The following EYS variants were observed in gnomAD, a reference collection of about 807,000 sequenced individuals.
EYS encodes EGF-like photoreceptor maintenance factor, also known as protein eyes shut homolog.
In EYS, 250 loss-of-function variants were observed where a neutral mutation model predicts 282.1. The observed-to-expected ratio is 0.89, with a 90% CI of 0.80 to 0.98. The LOEUF is 0.98. Among genes scored for constraint, EYS ranks in the 50% least tolerant of loss-of-function variants. EYS has a pLI of 0.00. For synonymous variants in EYS, 1,355 were observed against 1,282.9 expected (o/e 1.06, Z -1.20); for missense variants, 4,016 against 3,709.0 (o/e 1.08, Z -2.15).
intron 11 of EYS, among the ~76,000 whole-genome samples, chr6:65,334,266 G>T (rs1769899068): frequency 6.6e-6 from 1 of 150,880 alleles, no homozygotes; most frequent in Admixed American, 6.6e-5. Context: ...TTATTTTATT[G>T]TATTTATTTT....
chr6:64,107,242 G>GAT (rs1773046287), intron 31 of EYS, among the ~76,000 whole-genome samples: 1 of 115,230 alleles, frequency 8.7e-6, no homozygotes, highest in Non-Finnish European at 1.7e-5. Flanking sequence ...GAACTAGTAG[G>GAT]AGATATATAT....
intron 12 of EYS, among the ~76,000 whole-genome samples, chr6:65,257,882 T>G (rs1767512679): frequency 6.6e-6 from 1 of 151,944 alleles, no homozygotes; most frequent in Non-Finnish European, 1.5e-5. Flanking sequence ...TAAAGATGGT[T>G]AATGAGTTCA....
rs181124531 is a variant in EYS at position 64,309,393 on chromosome 6, G to T, written c.6079-2311C>A. On this transcript the variant is annotated intron_variant, in intron 29 of 42. Coordinates refer to ENST00000503581, the MANE Select transcript of EYS (RefSeq NM_001142800.2). ...TATTAATTTATTCACCTTGGGCTTT[G>T]AAAAATGGCAAGAAAAAATTTCCCA... Among the ~76,000 whole-genome samples the T allele has an allele frequency of 2.3e-3, 345 of 152,144 alleles. 2 individuals carry two copies. The highest frequency in any genetic ancestry group is 8.0e-3 in the African/African-American group (332 of 41,516).
At chr6:63,869,445 T>C (rs1247786625) in intron 35 of EYS, among the ~76,000 whole-genome samples, 1 of 152,108 alleles carries the variant, frequency 6.6e-6, no homozygotes, top group Admixed American at 6.6e-5. Context: ...TGACCAAAAT[T>C]TCTTCCCCAG....
chr6:64,896,250 T>A (rs1767460643), intron 18 of EYS, among the ~76,000 whole-genome samples: 1 of 152,030 alleles, frequency 6.6e-6, no homozygotes, highest in South Asian at 2.1e-4. Flanking sequence ...ATCTCCCTGG[T>A]ACTGGTTAGA....
At chr6:64,196,886 A>T (rs1409924777) in intron 31 of EYS, among the ~76,000 whole-genome samples, 1 of 151,860 alleles carries the variant, frequency 6.6e-6, no homozygotes, top group African/African-American at 2.4e-5. Context: ...CTAAAACTTA[A>T]AGTATAATAA....
chr6:65,220,583 A>G (rs979241706), intron 12 of EYS, among the ~76,000 whole-genome samples: 1 of 152,152 alleles, frequency 6.6e-6, no homozygotes, highest in Non-Finnish European at 1.5e-5. Flanking sequence ...TTTCTTTATA[A>G]ATTACTCAGT....
intron 5 of EYS, among the ~76,000 whole-genome samples, chr6:65,408,530 T>A (rs9354237): frequency 0.2 from 31,114 of 152,020 alleles, 3,979 homozygotes; most frequent in Non-Finnish European, 0.27. Flanking sequence ...TCATAATATC[T>A]CCTTATAATC....
At chr6:65,393,223 G>A (rs905101676) in intron 7 of EYS, among the ~76,000 whole-genome samples, 24 of 152,236 alleles carry the variant, frequency 1.6e-4, no homozygotes, top group African/African-American at 5.8e-4. Context: ...CCTAATGCTA[G>A]ATGATGAGTT....
intron 30 of EYS, among the ~76,000 whole-genome samples, chr6:64,251,592 T>C (rs951866317): frequency 6.6e-6 from 1 of 152,198 alleles, no homozygotes; most frequent in Non-Finnish European, 1.5e-5. Flanking sequence ...CAAGCAGCTA[T>C]GTGGTTCTCC....
At chr6:64,529,631 C>T (rs1330445696) in intron 26 of EYS, among the ~76,000 whole-genome samples, 2 of 151,858 alleles carry the variant, frequency 1.3e-5, no homozygotes, top group Non-Finnish European at 2.9e-5. Context: ...AATTATAGTA[C>T]ATATTTTATG....
At chr6:65,617,863 C>T (rs1267043676) in intron 2 of EYS, among the ~76,000 whole-genome samples, 3 of 152,030 alleles carry the variant, frequency 2.0e-5, no homozygotes, top group African/African-American at 7.2e-5. Context: ...TCATCCATGT[C>T]CCTACAAAGG....
At chr6:64,360,870 G>A (rs1017088025) in intron 29 of EYS, among the ~76,000 whole-genome samples, 1 of 151,666 alleles carries the variant, frequency 6.6e-6, no homozygotes, top group Non-Finnish European at 1.5e-5. Flanking sequence ...TAACTTTTCA[G>A]TGCAATATGT....
intron 32 of EYS, among the ~76,000 whole-genome samples, chr6:64,077,034 T>C (rs552453903): frequency 4.4e-4 from 67 of 152,084 alleles, no homozygotes; most frequent in Non-Finnish European, 8.5e-4. Flanking sequence ...GTTGAATTTG[T>C]CTTTGCTGTC....
intron 5 of EYS, among the ~76,000 whole-genome samples, chr6:65,407,002 GC>G (rs1766773490): frequency 6.6e-6 from 1 of 151,956 alleles, no homozygotes; most frequent in African/African-American, 2.4e-5. Flanking sequence ...CTACACAGAA[GC>G]CTGCTGGAAT....
intron 2 of EYS, among the ~76,000 whole-genome samples, chr6:65,636,281 C>A (rs1767085946): frequency 6.6e-6 from 1 of 152,116 alleles, no homozygotes; most frequent in Non-Finnish European, 1.5e-5. Flanking sequence ...GCAGTCAGTC[C>A]CACTTCCTCC....
chr6:65,021,086 G>A (rs755750860), intron 13 of EYS, among the ~76,000 whole-genome samples: 2 of 152,146 alleles, frequency 1.3e-5, no homozygotes, highest in African/African-American at 2.4e-5. Context: ...ACATGTCCTA[G>A]AGACACTTTC....
chr6:65,462,312 A>T (rs1740463963), intron 5 of EYS, among the ~76,000 whole-genome samples: 1 of 152,042 alleles, frequency 6.6e-6, no homozygotes, highest in South Asian at 2.1e-4. Flanking sequence ...GGAGTGAGGG[A>T]GAGTGTGGCT....
At chr6:65,536,817 C>T (rs995214452) in intron 2 of EYS, among the ~76,000 whole-genome samples, 5 of 152,122 alleles carry the variant, frequency 3.3e-5, no homozygotes, top group Non-Finnish European at 7.4e-5. Context: ...TCAATATTGT[C>T]AGGTTGTTAA....
Sources: allele counts gnomAD v4.1 joint callset (sites outside exome capture counted in the v4.1 genomes callset), GRCh38; gene constraint gnomAD v4.1.1; transcripts MANE v1.5; gene names NCBI Gene and HGNC (gene_info 2026-07-23, HGNC 2026-07-21).